The following TAOK1 variants were observed in gnomAD, a reference collection of about 807,000 sequenced individuals.
TAOK1 encodes the protein TAO kinase 1, also known as serine/threonine-protein kinase TAO1.
In TAOK1, 21 loss-of-function variants were observed where a neutral mutation model predicts 138.3. The observed-to-expected ratio is 0.15, with a 90% CI of 0.11 to 0.22. TAOK1 has a LOEUF of 0.22. TAOK1 is among the 10% of genes least tolerant of loss of function. TAOK1 has a pLI of 1.00. For missense variants in TAOK1, 651 were observed against 1,227.7 expected (o/e 0.53, Z 7.02); for synonymous variants, 361 against 398.4 (o/e 0.91, Z 1.12).
intron 15 of TAOK1, among the ~76,000 whole-genome samples, chr17:29,516,917 G>T (rs2031826619): frequency 6.6e-6 from 1 of 152,034 alleles, no homozygotes; most frequent in South Asian, 2.1e-4. Flanking sequence ...CTGCCTCCTG[G>T]GCTCAAGCAA....
At chr17:29,405,460 T>C (rs572478622) in intron 1 of TAOK1, among the ~76,000 whole-genome samples, 1 of 152,226 alleles carries the variant, frequency 6.6e-6, no homozygotes, top group South Asian at 2.1e-4. Flanking sequence ...GTCAAGATAG[T>C]GATTGATGGA....
chr17:29,397,766 T>C (rs1428332315), intron 1 of TAOK1, among the ~76,000 whole-genome samples: 2 of 139,712 alleles, frequency 1.4e-5, no homozygotes, highest in African/African-American at 5.4e-5. Context: ...TGTATATATG[T>C]ATACATGTAT....
At position 29,390,816 on chromosome 17, in the gene TAOK1, T is replaced by TCCCCTCG. The variant is rs1211167902; in HGVS notation, c.-298_-292dup. 2 of 142,726 alleles carry TCCCCTCG rather than the reference T, an allele frequency of 1.4e-5. No homozygotes were observed. The highest frequency in any genetic ancestry group is 3.1e-5 in the Non-Finnish European group (2 of 65,080). The allele number at this position is 142,726 out of a possible 1,614,324, so 8.8% of individuals were successfully genotyped here. A position where few individuals can be genotyped will look rare whatever the true frequency, so the allele number is the denominator to read the frequency against. ...GAGGGCGCCTCCTCGACCCCGGTCG[T>TCCCCTCG]CCCCTCGCCCCCCCCCCCACCCCCC... On this transcript the variant is annotated 5_prime_UTR_variant, in exon 1 of 20. Transcript: ENST00000261716.
At chr17:29,507,165 G>A (rs571103189) in intron 13 of TAOK1, among the ~76,000 whole-genome samples, 2 of 152,148 alleles carry the variant, frequency 1.3e-5, no homozygotes, top group South Asian at 4.1e-4. Flanking sequence ...AAAGGTGATA[G>A]TTGCATGGCA....
chr17:29,530,315 C>A, intron 17 of TAOK1, 92 bp from the exon 18 acceptor site: 1 of 1,145,762 alleles, frequency 8.7e-7, no homozygotes, highest in Non-Finnish European at 1.2e-6. Flanking sequence ...TCATTTTTTT[C>A]CTAGTAGCCT....
chr17:29,526,820 A>T (rs7220134), intron 17 of TAOK1, among the ~76,000 whole-genome samples: 2,474 of 45,038 alleles, frequency 0.055, 61 homozygotes, highest in Middle Eastern at 0.087. Flanking sequence ...CTCATCTCTT[A>T]AAAAAAAAAA....
chr17:29,432,257 T>G (rs1905864402), intron 1 of TAOK1, among the ~76,000 whole-genome samples: 1 of 152,108 alleles, frequency 6.6e-6, no homozygotes, highest in Admixed American at 6.5e-5. Flanking sequence ...AAAACAAAGG[T>G]ATGGGCCCTG....
chr17:29,481,059 AAACT>A (rs1177972969), intron 7 of TAOK1, among the ~76,000 whole-genome samples: 4 of 152,084 alleles, frequency 2.6e-5, no homozygotes, highest in Non-Finnish European at 2.9e-5. Flanking sequence ...AGACACAAAC[AAACT>A]ATGATTATTC....
chr17:29,412,160 G>A (rs913189098), intron 1 of TAOK1, among the ~76,000 whole-genome samples: 6 of 151,546 alleles, frequency 4.0e-5, no homozygotes, highest in African/African-American at 7.3e-5. Context: ...CTCCTGCCTC[G>A]GCCTCCCGAG....
chr17:29,528,154 A>G (rs2032043634), intron 17 of TAOK1, among the ~76,000 whole-genome samples: 1 of 152,090 alleles, frequency 6.6e-6, no homozygotes. Context: ...GGTTCAAGCA[A>G]TTCTTGTGCC....
At chr17:29,398,811 C>T (rs1006141005) in intron 1 of TAOK1, among the ~76,000 whole-genome samples, 3 of 151,886 alleles carry the variant, frequency 2.0e-5, no homozygotes, top group Non-Finnish European at 2.9e-5. Flanking sequence ...GGATTACAGG[C>T]GGGCATGAGC....
At chr17:29,411,765 A>G (rs1329719992) in intron 1 of TAOK1, among the ~76,000 whole-genome samples, 1 of 152,126 alleles carries the variant, frequency 6.6e-6, no homozygotes. Context: ...TGTACAAACA[A>G]TAAAGTGCTT....
chr17:29,465,128 A>ATTTTTTTTTTTTTTTTTTTTTTTTTTTTT, intron 2 of TAOK1, among the ~76,000 whole-genome samples: 1 of 63,100 alleles, frequency 1.6e-5, no homozygotes, highest in Non-Finnish European at 2.9e-5. Flanking sequence ...GTCTTATTTA[A>ATTTTTTTTTTTTTTTTTTTTTTTTTTTTT]TTTTTTTTTT....
chr17:29,444,184 T>A (rs146398887), intron 1 of TAOK1, among the ~76,000 whole-genome samples: 1 of 152,302 alleles, frequency 6.6e-6, no homozygotes, highest in East Asian at 1.9e-4. Context: ...GGTATTTCTG[T>A]ATGTGTATTT....
chr17:29,533,413 G>C (rs2150774197), intron 18 of TAOK1, among the ~76,000 whole-genome samples: 1 of 152,146 alleles, frequency 6.6e-6, no homozygotes, highest in Non-Finnish European at 1.5e-5. Context: ...GCCGGGCAGA[G>C]ACGCTCCTCA....
At position 29,475,902 on chromosome 17, in the gene TAOK1, A is replaced by G. The variant is rs2030932664; in HGVS notation, c.306+131A>G. On this transcript the variant is annotated intron_variant, in intron 4 of 19. Coordinates refer to ENST00000261716, the MANE Select transcript of TAOK1 (RefSeq NM_020791.4). Reference sequence around the variant, plus strand: ...GAAATGTTAGTTCGTACTGAAAGAAAACAAGCAATATTTCCTAGAACTTGT... The same window carrying G: ...GAAATGTTAGTTCGTACTGAAAGAAGACAAGCAATATTTCCTAGAACTTGT... 15 of 701,038 alleles carry G rather than the reference A, an allele frequency of 2.1e-5. No homozygotes were observed. The South Asian group carries it at 2.6e-4, about 12-fold the overall frequency. The allele number at this position is 701,038 out of a possible 1,614,324, so 43.4% of individuals were successfully genotyped here. A position where few individuals can be genotyped will look rare whatever the true frequency, so the allele number is the denominator to read the frequency against.
At chr17:29,421,318 T>C (rs1296628890) in intron 1 of TAOK1, among the ~76,000 whole-genome samples, 1 of 152,260 alleles carries the variant, frequency 6.6e-6, no homozygotes, top group African/African-American at 2.4e-5. Flanking sequence ...ATATTCTTTT[T>C]ATAAACTGCC....
chr17:29,466,326 T>C (rs1481604257), intron 2 of TAOK1, among the ~76,000 whole-genome samples: 1 of 152,234 alleles, frequency 6.6e-6, no homozygotes, highest in Non-Finnish European at 1.5e-5. Context: ...ATATTTTTAG[T>C]AGAGATAGAT....
intron 1 of TAOK1, among the ~76,000 whole-genome samples, chr17:29,393,582 T>C (rs1036126389): frequency 1.3e-5 from 2 of 152,346 alleles, no homozygotes; most frequent in African/African-American, 2.4e-5. Context: ...GCACTTCTTA[T>C]GTTTCTAAAT....
Sources: allele counts gnomAD v4.1 joint callset (sites outside exome capture counted in the v4.1 genomes callset), GRCh38; gene constraint gnomAD v4.1.1; transcripts MANE v1.5; gene names NCBI Gene and HGNC (gene_info 2026-07-23, HGNC 2026-07-21).